Variants in UBE2L3 observed in about 807,000 individuals in gnomAD.
The protein encoded by UBE2L3 is ubiquitin-conjugating enzyme E2 L3.
UBE2L3 carries 1 observed loss-of-function variant against 17.8 expected under a neutral mutation model. The observed-to-expected ratio is 0.06, with a 90% CI of 0.02 to 0.27. UBE2L3 has a LOEUF of 0.27. Ranked by LOEUF, UBE2L3 falls within the 10% of genes least tolerant of loss-of-function variation. UBE2L3 has a pLI of 1.00. For synonymous variants in UBE2L3, 44 were observed against 68.5 expected (o/e 0.64, Z 1.76); for missense variants, 40 against 192.6 (o/e 0.21, Z 4.69).
chr22:21,587,944 C>G (rs562204652), intron 1 of UBE2L3, among the ~76,000 whole-genome samples: 2 of 152,130 alleles, frequency 1.3e-5, no homozygotes, highest in Admixed American at 6.6e-5. Context: ...CGAAGTGGAC[C>G]TCATTCTGAG....
chr22:21,619,032 G>A (rs1408777891), intron 3 of UBE2L3, among the ~76,000 whole-genome samples: 1 of 152,142 alleles, frequency 6.6e-6, no homozygotes, highest in Non-Finnish European at 1.5e-5. Context: ...TGCTAATGCG[G>A]TAGTAATTCT....
In UBE2L3 at chr22:21,607,024, CT is replaced by C. The variant is rs553760355; in HGVS notation, c.124-3831del. Among the ~76,000 whole-genome samples the C allele has an allele frequency of 9.2e-5, 14 of 152,326 alleles. No homozygotes were observed. The South Asian group carries it at 2.9e-3, about 32-fold the overall frequency. The stretch of plus-strand genomic sequence containing the variant: ...TGGGAGGCCTCTTCCACTCCTCAGC[CT>C]TATGTCATCTTATCCATCCTTTAAG... On this transcript the variant is annotated intron_variant, in intron 2 of 3. Coordinates refer to ENST00000342192, the MANE Select transcript of UBE2L3 (RefSeq NM_003347.4).
At chr22:21,593,658 T>G (rs1704364128) in intron 2 of UBE2L3, among the ~76,000 whole-genome samples, 1 of 152,116 alleles carries the variant, frequency 6.6e-6, no homozygotes, top group Admixed American at 6.6e-5. Context: ...TAACTCCAGT[T>G]TGCAATCCCC....
intron 1 of UBE2L3, among the ~76,000 whole-genome samples, chr22:21,579,497 A>G (rs575723961): frequency 6.6e-6 from 1 of 152,268 alleles, no homozygotes; most frequent in Admixed American, 6.6e-5. Context: ...GTGGCCAGGC[A>G]CGGTGGCTCA....
intron 3 of UBE2L3, among the ~76,000 whole-genome samples, chr22:21,614,999 C>CA (rs1174956887): frequency 6.6e-6 from 1 of 150,878 alleles, no homozygotes; most frequent in East Asian, 2.0e-4. Flanking sequence ...ACTAAAAATA[C>CA]AAAAAATTAG....
chr22:21,594,027 A>G (rs548822408), intron 2 of UBE2L3, among the ~76,000 whole-genome samples: 1 of 152,222 alleles, frequency 6.6e-6, no homozygotes, highest in South Asian at 2.1e-4. Context: ...TCTGTCCACC[A>G]GGCGGCCTCA....
chr22:21,579,499 G>A (rs760769189), intron 1 of UBE2L3, among the ~76,000 whole-genome samples: 3 of 152,082 alleles, frequency 2.0e-5, no homozygotes, highest in Non-Finnish European at 4.4e-5. Flanking sequence ...GGCCAGGCAC[G>A]GTGGCTCATG....
chr22:21,566,745 G>A (rs1048790735), upstream of UBE2L3, among the ~76,000 whole-genome samples: 5 of 151,812 alleles, frequency 3.3e-5, no homozygotes, highest in Non-Finnish European at 7.4e-5. Context: ...ACTCCATTCT[G>A]GACACTGAGA....
At chr22:21,564,989 G>C (rs188824697), upstream of UBE2L3, among the ~76,000 whole-genome samples, 1 of 152,008 alleles carries the variant, frequency 6.6e-6, no homozygotes, top group African/African-American at 2.4e-5. Context: ...AGGCAGAATC[G>C]CTGATCACAT....
At chr22:21,575,688 G>A (rs1284280510) in intron 1 of UBE2L3, among the ~76,000 whole-genome samples, 3 of 117,650 alleles carry the variant, frequency 2.5e-5, no homozygotes, top group Non-Finnish European at 5.0e-5. Context: ...TGTCACCCAG[G>A]CTGGAGTGCA....
intron 1 of UBE2L3, among the ~76,000 whole-genome samples, chr22:21,556,101 C>T (rs1342653435): frequency 6.6e-6 from 1 of 152,246 alleles, no homozygotes; most frequent in Admixed American, 6.5e-5. Flanking sequence ...CATGGTGGTG[C>T]ATGCCTGTAC....
At chr22:21,560,140 C>T (rs1157179928) in intron 1 of UBE2L3, among the ~76,000 whole-genome samples, 2 of 152,164 alleles carry the variant, frequency 1.3e-5, no homozygotes, top group South Asian at 2.1e-4. Flanking sequence ...TCGCTGAATC[C>T]TCCCCATAGC....
intron 2 of UBE2L3, among the ~76,000 whole-genome samples, chr22:21,609,632 T>C (rs1929369814): frequency 6.6e-6 from 1 of 151,628 alleles, no homozygotes; most frequent in Admixed American, 6.6e-5. Context: ...TGCTTGAGCC[T>C]GTGAAGTCAA....
At chr22:21,620,575 C>T (rs1929995567) in intron 3 of UBE2L3, among the ~76,000 whole-genome samples, 1 of 152,162 alleles carries the variant, frequency 6.6e-6, no homozygotes, top group South Asian at 2.1e-4. Flanking sequence ...GTAGCAGCTG[C>T]TTCTGATTCC....
chr22:21,568,682 G>A (rs1034888710), intron 1 of UBE2L3, among the ~76,000 whole-genome samples: 1 of 152,108 alleles, frequency 6.6e-6, no homozygotes, highest in African/African-American at 2.4e-5. Context: ...AGCCCACCCC[G>A]CCAGCATCTG....
intron 1 of UBE2L3, 66 bp from the exon 2 acceptor site, chr22:21,592,795 A>C (rs776865966): frequency 5.1e-5 from 65 of 1,278,310 alleles, no homozygotes; most frequent in Non-Finnish European, 7.4e-5. Flanking sequence ...TGAGGGCATC[A>C]GGAGGGATCT....
intron 2 of UBE2L3, among the ~76,000 whole-genome samples, chr22:21,600,634 C>T (rs374538310): frequency 8.6e-5 from 13 of 151,200 alleles, no homozygotes; most frequent in African/African-American, 2.9e-4. Context: ...AGGCGGAGGC[C>T]GCAGTGAGCC....
intron 2 of UBE2L3, among the ~76,000 whole-genome samples, chr22:21,601,470 G>A (rs1430953756): frequency 2.6e-5 from 4 of 151,370 alleles, no homozygotes; most frequent in Non-Finnish European, 5.9e-5. Flanking sequence ...GTACCACTAC[G>A]CCTGGCTAAT....
chr22:21,604,918 G>A (rs1929068151), intron 2 of UBE2L3, among the ~76,000 whole-genome samples: 1 of 152,164 alleles, frequency 6.6e-6, no homozygotes, highest in Admixed American at 6.6e-5. Flanking sequence ...CCTGCCTCAT[G>A]TAGTAACAGA....
Sources: gnomAD v4.1 joint callset for allele counts (sites outside exome capture counted in the v4.1 genomes callset) on GRCh38, gnomAD v4.1.1 for gene constraint, MANE v1.5 for transcripts, NCBI Gene and HGNC (gene_info 2026-07-23, HGNC 2026-07-21) for gene names.